Variants in EYS observed in about 807,000 individuals in gnomAD.
The protein encoded by EYS is EGF-like photoreceptor maintenance factor.
Under a neutral mutation model 282.1 loss-of-function variants are expected in EYS, and 250 were observed. The ratio of observed to expected loss-of-function variants is 0.89; its 90% CI spans 0.80 to 0.98. The LOEUF (loss-of-function observed/expected upper bound fraction) is 0.98, where lower values mean the gene tolerates loss of function less well. Among genes scored for constraint, EYS ranks in the 50% least tolerant of loss-of-function variants. The pLI is 0.00. For synonymous variants in EYS, 1,355 were observed against 1,282.9 expected (o/e 1.06, Z -1.20); for missense variants, 4,016 against 3,709.0 (o/e 1.08, Z -2.15).
intron 29 of EYS, among the ~76,000 whole-genome samples, chr6:64,354,551 CT>C (rs1291692614): frequency 6.6e-6 from 1 of 151,492 alleles, no homozygotes; most frequent in Non-Finnish European, 1.5e-5. Flanking sequence ...ATATAAGCAT[CT>C]GGAAAAATAG....
intron 5 of EYS, among the ~76,000 whole-genome samples, chr6:65,417,618 G>A (rs568337682): frequency 6.6e-6 from 1 of 152,134 alleles, no homozygotes; most frequent in South Asian, 2.1e-4. Context: ...CTTGTAGTAT[G>A]AAAGCAAAGA....
chr6:64,441,761 C>T (rs578206575), intron 26 of EYS, among the ~76,000 whole-genome samples: 63 of 152,318 alleles, frequency 4.1e-4, no homozygotes, highest in African/African-American at 1.5e-3. Context: ...CAAGCTATCT[C>T]TGCCTGCTGC....
chr6:65,384,617 A>AT (rs1317273421), intron 7 of EYS, 117 bp from the exon 8 acceptor site: 5 of 630,682 alleles, frequency 7.9e-6, no homozygotes, highest in Non-Finnish European at 1.1e-5. Context: ...ATTATTAATC[A>AT]TTTTTTAATA....
chr6:65,000,642 G>A (rs1407391978), intron 13 of EYS, among the ~76,000 whole-genome samples: 1 of 152,106 alleles, frequency 6.6e-6, no homozygotes, highest in Non-Finnish European at 1.5e-5. Context: ...GCCGGGCTTG[G>A]TGGCACATGC....
rs548129402 is a variant in EYS, at chr6:64,888,424, A to G, written c.2847-1582T>C. 3.6e-4 allele frequency among the ~76,000 whole-genome samples: 54 copies of G among 152,036 alleles called. No individual in the cohort carries two copies. The South Asian group carries it at 0.01, about 29-fold the overall frequency. On this transcript the variant is annotated intron_variant, in intron 18 of 42. Transcript: ENST00000503581. ...AATGATACAATGTATTCATGTATCA[A>G]AACAACACAACAAAACAACACATAA...
intron 13 of EYS, among the ~76,000 whole-genome samples, chr6:65,001,416 A>G (rs1771463746): frequency 6.8e-6 from 1 of 147,174 alleles, no homozygotes; most frequent in Admixed American, 6.8e-5. Context: ...TCCTCTTGGT[A>G]TTCAGATGTT....
At chr6:65,477,013 A>T (rs1388774985) in intron 5 of EYS, among the ~76,000 whole-genome samples, 1 of 152,204 alleles carries the variant, frequency 6.6e-6, no homozygotes, top group Non-Finnish European at 1.5e-5. Context: ...CCAGTATGGT[A>T]TCTATTGAAA....
chr6:63,725,635 TTTTCTC>T (rs1390730889), intron 42 of EYS, among the ~76,000 whole-genome samples: 1 of 152,076 alleles, frequency 6.6e-6, no homozygotes, highest in Non-Finnish European at 1.5e-5. Context: ...CAATTGTACT[TTTTCTC>T]TTTGAAATTA....
chr6:65,315,962 T>C (rs1302878606), intron 11 of EYS, among the ~76,000 whole-genome samples: 1 of 151,854 alleles, frequency 6.6e-6, no homozygotes, highest in Non-Finnish European at 1.5e-5. Context: ...CCTTGGTAAA[T>C]AGTAGTAGTA....
At chr6:64,627,655 G>C (rs1562099263) in intron 22 of EYS, among the ~76,000 whole-genome samples, 1 of 152,146 alleles carries the variant, frequency 6.6e-6, no homozygotes, top group Non-Finnish European at 1.5e-5. Flanking sequence ...ATTAAGTTCT[G>C]TTTTTCACTG....
chr6:64,516,290 T>G (rs888482195), intron 26 of EYS, among the ~76,000 whole-genome samples: 1 of 151,324 alleles, frequency 6.6e-6, no homozygotes, highest in Non-Finnish European at 1.5e-5. Context: ...CACTGGACCT[T>G]TTTTGGAGAG....
chr6:64,589,456 C>A (rs1469852642), intron 26 of EYS, among the ~76,000 whole-genome samples: 1 of 152,008 alleles, frequency 6.6e-6, no homozygotes, highest in East Asian at 1.9e-4. Flanking sequence ...GATAGAATTT[C>A]TTAAAATAAT....
chr6:65,281,816 T>C (rs1156884899), intron 12 of EYS, among the ~76,000 whole-genome samples: 2 of 152,116 alleles, frequency 1.3e-5, no homozygotes, highest in Non-Finnish European at 2.9e-5. Context: ...GAAGGAAAAC[T>C]CCATTTCTAG....
intron 28 of EYS, among the ~76,000 whole-genome samples, chr6:64,392,089 A>G (rs1773173054): frequency 6.6e-6 from 1 of 152,028 alleles, no homozygotes; most frequent in Non-Finnish European, 1.5e-5. Flanking sequence ...TCCTAAATAT[A>G]TATGCACCCA....
rs76466400 is a variant in EYS at position 63,857,988 on chromosome 6, G to C, written c.7228+6198C>G. Among the ~76,000 whole-genome samples, 7 of 152,182 alleles carry C rather than the reference G, an allele frequency of 4.6e-5. No individual in the cohort carries two copies. In the East Asian group the frequency reaches 9.7e-4, roughly 21 times the overall value. On this transcript the variant is annotated intron_variant, in intron 36 of 42. Transcript: ENST00000503581. ...AAATGTTCACCTAAATTTAACGTGA[G>C]GGGGAGTAAAAGTAGCCTTGAGGCC... is the stretch of plus-strand genomic sequence containing the variant.
chr6:63,743,306 A>G (rs550191406), intron 41 of EYS, among the ~76,000 whole-genome samples: 1 of 152,326 alleles, frequency 6.6e-6, no homozygotes, highest in South Asian at 2.1e-4. Flanking sequence ...TTGCACAGTG[A>G]TTCAGACAAC....
At chr6:64,231,553 C>G (rs927974712) in intron 30 of EYS, among the ~76,000 whole-genome samples, 4 of 152,062 alleles carry the variant, frequency 2.6e-5, no homozygotes, top group Non-Finnish European at 5.9e-5. Context: ...GTTTAATATA[C>G]TTTTTATGCC....
intron 12 of EYS, among the ~76,000 whole-genome samples, chr6:65,215,973 T>G (rs1349026390): frequency 6.6e-6 from 1 of 152,230 alleles, no homozygotes; most frequent in Non-Finnish European, 1.5e-5. Flanking sequence ...CATAACTTTA[T>G]ATGCACTAGA....
At chr6:64,946,722 C>A (rs1161505012) in intron 14 of EYS, among the ~76,000 whole-genome samples, 1 of 151,504 alleles carries the variant, frequency 6.6e-6, no homozygotes, top group Non-Finnish European at 1.5e-5. Context: ...ATGGCTAGTA[C>A]CATTTAAGAT....
Sources: allele counts gnomAD v4.1 joint callset (sites outside exome capture counted in the v4.1 genomes callset), GRCh38; gene constraint gnomAD v4.1.1; transcripts MANE v1.5; gene names NCBI Gene and HGNC (gene_info 2026-07-23, HGNC 2026-07-21).